Variants in PRKN observed in about 807,000 individuals in gnomAD.
PRKN encodes parkin RBR E3 ubiquitin protein ligase.
In PRKN, 56 loss-of-function variants were observed where a neutral mutation model predicts 59.5. The ratio of observed to expected loss-of-function variants is 0.94; its 90% CI spans 0.76 to 1.18. The LOEUF is 1.18. PRKN is among the 50% of genes most tolerant of loss of function. The probability of loss-of-function intolerance (pLI) is 0.00; values close to 1 mark genes in which losing one functional copy is unlikely to be tolerated. For missense variants in PRKN, 657 were observed against 596.4 expected, an observed-to-expected ratio of 1.10 and a Z score of -1.06; for synonymous variants, 250 against 222.1, an observed-to-expected ratio of 1.13 and a Z score of -1.12.
rs111925096 is a variant in PRKN, at chr6:162,557,259, A to G, written c.8-113786T>C. 5.1e-3 allele frequency among the ~76,000 whole-genome samples: 773 copies of G among 152,284 alleles called. 7 individuals are homozygous for G. The highest frequency in any genetic ancestry group is 7.8e-3 in the Non-Finnish European group (533 of 68,028). ...TATTCTGGCTGGGCCAGCTGTTATAATACACCACCCCACAGTCATTGCTGC... is the reference window on the plus strand; with the variant it reads ...TATTCTGGCTGGGCCAGCTGTTATAGTACACCACCCCACAGTCATTGCTGC... On this transcript the variant is annotated intron_variant, in intron 1 of 11. Coordinates refer to ENST00000366898, the MANE Select transcript of PRKN (RefSeq NM_004562.3).
In PRKN at chr6:161,413,187, G is replaced by A. The variant is rs1787669200; in HGVS notation, c.1084-26310C>T. ...GAGGAATGTGCATTTAGGGTCGTGG[G>A]ACCCCTTCCCATTTATTTGTGGAAA... On this transcript the variant is annotated intron_variant, in intron 9 of 11. Coordinates refer to ENST00000366898, the MANE Select transcript of PRKN (RefSeq NM_004562.3). This position sits in a 1 kb window ranked among gnomAD's most constrained non-coding sequence, Gnocchi z 4.4. Among the ~76,000 whole-genome samples the A allele has an allele frequency of 6.6e-6, 1 of 152,108 alleles. No homozygotes were observed. The highest frequency in any genetic ancestry group is 2.1e-4 in the South Asian group (1 of 4,830).
At chr6:162,030,556 G>C (rs1783598506) in intron 5 of PRKN, among the ~76,000 whole-genome samples, 1 of 152,096 alleles carries the variant, frequency 6.6e-6, no homozygotes, top group South Asian at 2.1e-4. Flanking sequence ...AACCTTCATG[G>C]TTTAAGGCCT....
intron 1 of PRKN, among the ~76,000 whole-genome samples, chr6:162,705,134 A>G (rs537520425): frequency 3.9e-5 from 6 of 152,298 alleles, no homozygotes; most frequent in African/African-American, 9.6e-5. Context: ...CAACTTTCCA[A>G]TATCTATGAT....
rs1785358098 is a variant in PRKN at position 161,369,621 on chromosome 6, A to G, written c.1168-9416T>C. 6.6e-6 allele frequency among the ~76,000 whole-genome samples: 1 copy of G among 152,110 alleles called. No homozygotes were observed. The highest frequency in any genetic ancestry group is 1.5e-5 in the Non-Finnish European group (1 of 68,012). On this transcript the variant is annotated intron_variant, in intron 10 of 11. Transcript: ENST00000366898. This position sits in a 1 kb window ranked among gnomAD's most constrained non-coding sequence, Gnocchi z 5.8. ...ATTGCATAGAATTCTGTGCCTGTCT[A>G]CTGCTCACCCGTGGCAGGAGGAATT... is the stretch of plus-strand genomic sequence containing the variant.
In PRKN at chr6:161,735,387, G is replaced by T. The variant is rs140886293; in HGVS notation, c.871+50385C>A. Among the ~76,000 whole-genome samples, 51 of 152,222 alleles carry T rather than the reference G, an allele frequency of 3.4e-4. No individual in the cohort carries two copies. The Middle Eastern group carries it at 0.01, about 30-fold the overall frequency. ...AGTAAATATATTTTCTCTTCCCTAT[G>T]ATTTTCTTAACATTTTCCTTTCTCT... is the stretch of plus-strand genomic sequence containing the variant. On this transcript the variant is annotated intron_variant, in intron 7 of 11. Transcript: ENST00000366898.
chr6:161,648,835 T>C (rs117082733), intron 7 of PRKN, among the ~76,000 whole-genome samples: 7 of 152,248 alleles, frequency 4.6e-5, no homozygotes, highest in African/African-American at 9.6e-5. Flanking sequence ...AACACAGCCA[T>C]AGAGTCAACC....
chr6:161,514,559 AAG>A (rs1778515958), intron 9 of PRKN, among the ~76,000 whole-genome samples: 1 of 151,912 alleles, frequency 6.6e-6, no homozygotes, highest in African/African-American at 2.4e-5. Context: ...GACAAAAAGC[AAG>A]AGAGGGTTAA....
intron 5 of PRKN, among the ~76,000 whole-genome samples, chr6:162,045,767 G>A (rs1784227102): frequency 6.6e-6 from 1 of 152,186 alleles, no homozygotes; most frequent in Non-Finnish European, 1.5e-5. Flanking sequence ...TAGGAGGGCT[G>A]TTTCCCGGCC....
At chr6:161,812,649 A>C (rs999304507) in intron 6 of PRKN, among the ~76,000 whole-genome samples, 68 of 152,232 alleles carry the variant, frequency 4.5e-4, no homozygotes, top group Admixed American at 4.4e-3. Flanking sequence ...GCAGATCATT[A>C]CACAACAGGG....
At chr6:162,276,970 G>A (rs1780663429) in intron 2 of PRKN, among the ~76,000 whole-genome samples, 1 of 151,938 alleles carries the variant, frequency 6.6e-6, no homozygotes, top group South Asian at 2.1e-4. Flanking sequence ...ATTGATAACA[G>A]GTTATAATAC....
At chr6:161,869,308 G>A (rs1313235131) in intron 6 of PRKN, among the ~76,000 whole-genome samples, 5 of 152,102 alleles carry the variant, frequency 3.3e-5, no homozygotes, top group Non-Finnish European at 4.4e-5. Context: ...GAACTCAGGA[G>A]GCAGTGGCTG....
intron 9 of PRKN, among the ~76,000 whole-genome samples, chr6:161,406,208 A>G (rs1044162579): frequency 1.4e-5 from 2 of 142,462 alleles, no homozygotes; most frequent in Non-Finnish European, 3.1e-5. Flanking sequence ...ATACATATAC[A>G]CATATATACA....
chr6:162,358,355 A>G (rs1480088612), intron 2 of PRKN, among the ~76,000 whole-genome samples: 1 of 152,174 alleles, frequency 6.6e-6, no homozygotes, highest in African/African-American at 2.4e-5. Context: ...TAAGCAATCA[A>G]AATATTTCCA....
At chr6:161,506,855 CA>C (rs1314356271) in intron 9 of PRKN, among the ~76,000 whole-genome samples, 1 of 152,196 alleles carries the variant, frequency 6.6e-6, no homozygotes, top group Non-Finnish European at 1.5e-5. Flanking sequence ...ACCAAAAAGT[CA>C]ATTTGGGGAA....
intron 7 of PRKN, among the ~76,000 whole-genome samples, chr6:161,763,148 G>T (rs1789274033): frequency 1.3e-5 from 2 of 152,104 alleles, no homozygotes. Flanking sequence ...ATTTTTCCTG[G>T]ACTGAAGTTT....
intron 2 of PRKN, among the ~76,000 whole-genome samples, chr6:162,397,194 G>C (rs1040816891): frequency 2.0e-5 from 3 of 152,076 alleles, no homozygotes; most frequent in Non-Finnish European, 4.4e-5. Flanking sequence ...GTAAATTCCA[G>C]AAAATTTGCT....
chr6:162,461,965 C>T (rs1197678581), intron 1 of PRKN, among the ~76,000 whole-genome samples: 1 of 151,990 alleles, frequency 6.6e-6, no homozygotes, highest in Non-Finnish European at 1.5e-5. Flanking sequence ...TTTATTGCTA[C>T]AGGTTAAAGA....
intron 1 of PRKN, among the ~76,000 whole-genome samples, chr6:162,660,507 G>A (rs1002136612): frequency 6.6e-5 from 10 of 152,116 alleles, no homozygotes; most frequent in African/African-American, 2.4e-4. Context: ...CTATTTTCTC[G>A]TAGAGTCTTC....
chr6:161,572,547 C>G (rs1400021553), intron 7 of PRKN, among the ~76,000 whole-genome samples: 2 of 152,060 alleles, frequency 1.3e-5, no homozygotes, highest in Non-Finnish European at 2.9e-5. Flanking sequence ...GTAATCCCAG[C>G]TACTTGTGAG....
Sources: gnomAD v4.1 joint callset for allele counts (sites outside exome capture counted in the v4.1 genomes callset) on GRCh38, gnomAD v4.1.1 for gene constraint, Gnocchi (gnomAD v3.1) non-coding constraint, MANE v1.5 for transcripts, NCBI Gene and HGNC (gene_info 2026-07-23, HGNC 2026-07-21) for gene names.